GPC5: variants seen among roughly 807,000 people sequenced by gnomAD.
GPC5 encodes the protein glypican-5.
GPC5 carries 47 observed loss-of-function variants against 53.9 expected under a neutral mutation model. The observed-to-expected ratio is 0.87, with a 90% CI of 0.69 to 1.11. The LOEUF is 1.11. GPC5 is among the 50% of genes most tolerant of loss of function. The probability of loss-of-function intolerance (pLI) is 0.00; values close to 1 mark genes in which losing one functional copy is unlikely to be tolerated. For missense variants in GPC5, 748 were observed against 713.1 expected, an observed-to-expected ratio of 1.05 and a Z score of -0.56; for synonymous variants, 286 against 263.3, an observed-to-expected ratio of 1.09 and a Z score of -0.84.
chr13:92,664,097 T>C (rs965754842), intron 7 of GPC5, among the ~76,000 whole-genome samples: 5 of 151,376 alleles, frequency 3.3e-5, no homozygotes, highest in Non-Finnish European at 7.4e-5. Context: ...GCAAACAATA[T>C]GGAGAACCTG....
At chr13:91,757,321 G>A (rs1023570740) in intron 5 of GPC5, among the ~76,000 whole-genome samples, 2 of 152,068 alleles carry the variant, frequency 1.3e-5, no homozygotes, top group Non-Finnish European at 2.9e-5. Context: ...CCATTAAAAA[G>A]TATACTTTGG....
At chr13:91,472,225 T>C (rs1426428208) in intron 2 of GPC5, among the ~76,000 whole-genome samples, 1 of 152,196 alleles carries the variant, frequency 6.6e-6, no homozygotes, top group East Asian at 1.9e-4. Context: ...GTTCAGTTAA[T>C]GTGATTTTTG....
intron 2 of GPC5, among the ~76,000 whole-genome samples, chr13:91,568,725 C>A (rs73608379): frequency 0.063 from 9,581 of 151,134 alleles, 1,012 homozygotes; most frequent in African/African-American, 0.22. Flanking sequence ...CATAGCAAAT[C>A]ATGTACCATA....
At chr13:92,393,167 A>G (rs1190452170) in intron 7 of GPC5, among the ~76,000 whole-genome samples, 4 of 152,222 alleles carry the variant, frequency 2.6e-5, no homozygotes, top group Admixed American at 2.6e-4. Context: ...CATCAGTGAC[A>G]GACTGGATAG....
At chr13:91,579,355 G>A (rs530496454) in intron 2 of GPC5, among the ~76,000 whole-genome samples, 5 of 151,894 alleles carry the variant, frequency 3.3e-5, no homozygotes, top group East Asian at 3.9e-4. Context: ...TTATTCTTTC[G>A]GACCATAACT....
chr13:92,346,146 C>G (rs1466433977), intron 7 of GPC5, among the ~76,000 whole-genome samples: 1 of 152,124 alleles, frequency 6.6e-6, no homozygotes, highest in Non-Finnish European at 1.5e-5. Context: ...AATGGCCACT[C>G]AGCCAAAAGC....
intron 7 of GPC5, among the ~76,000 whole-genome samples, chr13:92,483,801 C>CT (rs1170067437): frequency 1.4e-5 from 2 of 142,334 alleles, no homozygotes; most frequent in African/African-American, 2.6e-5. Flanking sequence ...TTTTTTTTTC[C>CT]TTTTTTATTA....
intron 7 of GPC5, among the ~76,000 whole-genome samples, chr13:92,328,426 G>T (rs1245391856): frequency 6.6e-6 from 1 of 152,152 alleles, no homozygotes; most frequent in African/African-American, 2.4e-5. Flanking sequence ...AAGTAAGAAA[G>T]ATCTGAATTT....
intron 7 of GPC5, among the ~76,000 whole-genome samples, chr13:92,754,941 G>A (rs9561141): frequency 0.03 from 4,608 of 151,230 alleles, 304 homozygotes; most frequent in East Asian, 0.28. Context: ...AGTCAACAAG[G>A]ATACCCAGGA....
At chr13:92,616,597 G>C (rs943042336) in intron 7 of GPC5, among the ~76,000 whole-genome samples, 1 of 152,176 alleles carries the variant, frequency 6.6e-6, no homozygotes, top group African/African-American at 2.4e-5. Context: ...TTTAGGAACC[G>C]TGTTGTTACA....
intron 7 of GPC5, among the ~76,000 whole-genome samples, chr13:92,494,942 A>AT (rs910530179): frequency 4.6e-5 from 7 of 152,064 alleles, no homozygotes; most frequent in Non-Finnish European, 8.8e-5. Flanking sequence ...TTTTTTAAAA[A>AT]TTTTTTTGTG....
chr13:92,207,168 G>C (rs1371456229), intron 7 of GPC5, among the ~76,000 whole-genome samples: 2 of 152,116 alleles, frequency 1.3e-5, no homozygotes, highest in Admixed American at 6.5e-5. Context: ...AGCAGTACTA[G>C]TCTAGCAAGT....
intron 2 of GPC5, among the ~76,000 whole-genome samples, chr13:91,573,039 A>G (rs2031994104): frequency 6.6e-6 from 1 of 152,204 alleles, no homozygotes; most frequent in Non-Finnish European, 1.5e-5. Flanking sequence ...GAGAAGTTGA[A>G]CAATGGCCCC....
intron 7 of GPC5, among the ~76,000 whole-genome samples, chr13:92,336,679 A>G (rs550506512): frequency 6.2e-4 from 94 of 152,332 alleles, no homozygotes; most frequent in African/African-American, 2.0e-3. Flanking sequence ...CAAGGAAACC[A>G]TAATGGTATA....
chr13:92,172,737 G>GT (rs142647135), intron 7 of GPC5, among the ~76,000 whole-genome samples: 3,537 of 152,096 alleles, frequency 0.023, 47 homozygotes, highest in Admixed American at 0.029. Flanking sequence ...CCTATATGTT[G>GT]TTTGAAAAGG....
chr13:91,755,575 TAAAAC>T (rs1436725206), intron 4 of GPC5, among the ~76,000 whole-genome samples: 2 of 152,138 alleles, frequency 1.3e-5, no homozygotes, highest in Non-Finnish European at 2.9e-5. Context: ...GTTTCTAAAT[TAAAAC>T]AAAACAAAAA....
chr13:91,922,870 A>T (rs753977837), intron 6 of GPC5, among the ~76,000 whole-genome samples: 15 of 63,314 alleles, frequency 2.4e-4, no homozygotes, highest in Non-Finnish European at 4.1e-4. Flanking sequence ...TTTCAGTCTG[A>T]ATTTGGCAGA....
chr13:92,598,298 G>A (rs1486216948), intron 7 of GPC5, among the ~76,000 whole-genome samples: 1 of 152,176 alleles, frequency 6.6e-6, no homozygotes, highest in African/African-American at 2.4e-5. Context: ...ATTGTTGCTA[G>A]GGAGGTTGGA....
rs538948910 is a variant in GPC5 at position 92,137,120 on chromosome 13, T to C, written c.1402-7710T>C. The stretch of plus-strand genomic sequence containing the variant: ...TCTCAGTTTTACGGATGCAGTGTCA[T>C]GCGCAGAACCCTGTAAATGAGCATA... On this transcript the variant is annotated intron_variant, in intron 6 of 7. Transcript: ENST00000377067. 3.3e-5 allele frequency among the ~76,000 whole-genome samples: 5 copies of C among 152,260 alleles called. No homozygotes were observed. The South Asian group carries it at 1.0e-3, about 32-fold the overall frequency.
Sources: allele counts gnomAD v4.1 joint callset (sites outside exome capture counted in the v4.1 genomes callset), GRCh38; gene constraint gnomAD v4.1.1; transcripts MANE v1.5; gene names NCBI Gene and HGNC (gene_info 2026-07-23, HGNC 2026-07-21).